Variants in RIMS1 observed in about 807,000 individuals in gnomAD.
RIMS1 encodes the protein regulating synaptic membrane exocytosis protein 1.
In RIMS1, 83 loss-of-function variants were observed where a neutral mutation model predicts 214.1. That is an observed-to-expected ratio of 0.39 (90% CI 0.32 to 0.47). The LOEUF (loss-of-function observed/expected upper bound fraction) is 0.47, where lower values mean the gene tolerates loss of function less well. Among genes scored for constraint, RIMS1 ranks in the 20% least tolerant of loss-of-function variants. The pLI, the probability that RIMS1 is intolerant of heterozygous loss-of-function variation, is 0.99. For missense variants in RIMS1, 2,050 were observed against 2,161.8 expected, an observed-to-expected ratio of 0.95 and a Z score of 1.03; for synonymous variants, 793 against 786.8, an observed-to-expected ratio of 1.01 and a Z score of -0.13.
intron 2 of RIMS1, among the ~76,000 whole-genome samples, chr6:72,074,355 G>A (rs1831283760): frequency 6.6e-6 from 1 of 152,108 alleles, no homozygotes; most frequent in Admixed American, 6.6e-5. Context: ...TAAAATGTAG[G>A]TCTGACTTAT....
At chr6:72,205,865 G>A (rs1159555370) in intron 6 of RIMS1, among the ~76,000 whole-genome samples, 1 of 152,008 alleles carries the variant, frequency 6.6e-6, no homozygotes, top group Non-Finnish European at 1.5e-5. Flanking sequence ...ATATTGTGTA[G>A]CCATGAAAAT....
intron 2 of RIMS1, among the ~76,000 whole-genome samples, chr6:71,990,503 G>A (rs1801273654): frequency 6.6e-6 from 1 of 152,038 alleles, no homozygotes; most frequent in African/African-American, 2.4e-5. Context: ...ATTAACAGGT[G>A]ATATTATTTG....
chr6:72,360,948 A>T (rs1262772603), intron 29 of RIMS1, among the ~76,000 whole-genome samples: 11 of 146,892 alleles, frequency 7.5e-5, no homozygotes, highest in Admixed American at 2.0e-4. Flanking sequence ...TTTTTTTTTA[A>T]AAGTTATTTG....
intron 2 of RIMS1, among the ~76,000 whole-genome samples, chr6:72,063,625 A>G (rs1474477621): frequency 6.6e-6 from 1 of 152,180 alleles, no homozygotes. Context: ...AATAGATCAG[A>G]GGAGGGACCC....
At chr6:72,184,373 A>G (rs2048808439) in intron 6 of RIMS1, among the ~76,000 whole-genome samples, 1 of 152,230 alleles carries the variant, frequency 6.6e-6, no homozygotes. Context: ...GTTGAAAAAG[A>G]AATTTGTGAC....
intron 4 of RIMS1, among the ~76,000 whole-genome samples, chr6:72,166,223 C>G (rs1043511207): frequency 3.4e-4 from 52 of 151,012 alleles, no homozygotes; most frequent in African/African-American, 1.2e-3. Context: ...CACACACATG[C>G]ACACATACAC....
At chr6:72,314,544 A>G (rs1189588636) in intron 28 of RIMS1, among the ~76,000 whole-genome samples, 5 of 152,176 alleles carry the variant, frequency 3.3e-5, no homozygotes, top group Non-Finnish European at 5.9e-5. Flanking sequence ...TTATTTAACA[A>G]TTTCATACTC....
intron 29 of RIMS1, among the ~76,000 whole-genome samples, chr6:72,342,806 A>AGGC: frequency 6.6e-6 from 1 of 151,804 alleles, no homozygotes. Context: ...CAAGAACACA[A>AGGC]GTTTATTCTT....
intron 1 of RIMS1, among the ~76,000 whole-genome samples, chr6:71,936,627 T>G (rs1254373049): frequency 1.3e-5 from 2 of 152,206 alleles, no homozygotes; most frequent in Non-Finnish European, 2.9e-5. Flanking sequence ...ATTTTTGTGT[T>G]TTTATGTTGG....
intron 2 of RIMS1, among the ~76,000 whole-genome samples, chr6:72,029,873 G>A (rs1359392771): frequency 1.3e-5 from 2 of 152,130 alleles, no homozygotes; most frequent in Non-Finnish European, 1.5e-5. Flanking sequence ...AGGCAAAGCA[G>A]GTAGATACCT....
chr6:72,115,813 T>G (rs1318721951), intron 4 of RIMS1, among the ~76,000 whole-genome samples: 2 of 151,924 alleles, frequency 1.3e-5, no homozygotes, highest in Non-Finnish European at 2.9e-5. Context: ...TTTCTTATAT[T>G]AAGATGCTTT....
intron 6 of RIMS1, among the ~76,000 whole-genome samples, chr6:72,205,412 T>C (rs1346834683): frequency 2.0e-5 from 3 of 152,036 alleles, no homozygotes; most frequent in Admixed American, 6.6e-5. Flanking sequence ...CTAAATTAGG[T>C]GTAGGGGCTG....
intron 2 of RIMS1, among the ~76,000 whole-genome samples, chr6:72,004,054 A>C (rs558340): frequency 1.6e-5 from 2 of 124,356 alleles, no homozygotes; most frequent in African/African-American, 6.4e-5. Flanking sequence ...AGAGTGTGAC[A>C]TTACCCTTCC....
Position 72,392,821 on chromosome 6 carries a change from T to C in RIMS1, c.4618+11T>C, listed in dbSNP as rs534326696. ...CCACCCCTGCAATGGGTAAGAATCA[T>C]TTTTTTTTTCTACAAGAAAATTGAT... is the stretch of plus-strand genomic sequence containing the variant. On this transcript the variant is annotated intron_variant, in intron 31 of 33. Transcript: ENST00000521978. 3 of 835,134 alleles carry C rather than the reference T, an allele frequency of 3.6e-6. No individual in the cohort carries two copies. The highest frequency in any genetic ancestry group is 2.4e-5 in the East Asian group (1 of 41,344). 51.7% of individuals were successfully genotyped at this position (835,134 alleles called of 1,614,324 possible).
In RIMS1 at chr6:72,093,223, T is replaced by C. The variant is rs1010985737; in HGVS notation, c.246-3726T>C. Among the ~76,000 whole-genome samples, 9 of 147,974 alleles carry C rather than the reference T, an allele frequency of 6.1e-5. 2 individuals are homozygous for C. In the East Asian group the frequency reaches 1.2e-3, roughly 19 times the overall value. ...ATATGTATGTGAGTATATATATATATATATAAAAACATGTGTGTATATATG... is the reference window on the plus strand; with the variant it reads ...ATATGTATGTGAGTATATATATATACATATAAAAACATGTGTGTATATATG... On this transcript the variant is annotated intron_variant, in intron 2 of 33. Coordinates refer to ENST00000521978, the MANE Select transcript of RIMS1 (RefSeq NM_014989.7).
chr6:71,910,817 T>A (rs1233280464), intron 1 of RIMS1, among the ~76,000 whole-genome samples: 2 of 152,174 alleles, frequency 1.3e-5, no homozygotes, highest in African/African-American at 4.8e-5. Context: ...GCATTTACCC[T>A]GAGCCAAAGT....
intron 1 of RIMS1, among the ~76,000 whole-genome samples, chr6:71,896,842 T>C (rs967778529): frequency 6.6e-6 from 1 of 152,186 alleles, no homozygotes; most frequent in Non-Finnish European, 1.5e-5. Flanking sequence ...CATGGGGTCC[T>C]ATTCTCCATA....
At chr6:72,026,448 C>T (rs1816499243) in intron 2 of RIMS1, among the ~76,000 whole-genome samples, 1 of 128,644 alleles carries the variant, frequency 7.8e-6, no homozygotes, top group African/African-American at 2.7e-5. Flanking sequence ...TCTTCTCCCC[C>T]AGCACCGCCC....
At chr6:72,081,017 G>A (rs77075057) in intron 2 of RIMS1, among the ~76,000 whole-genome samples, 4,762 of 152,272 alleles carry the variant, frequency 0.031, 115 homozygotes, top group Non-Finnish European at 0.052. Context: ...CAGAGGACAA[G>A]TAGATTTCTC....
Sources: gnomAD v4.1 joint callset for allele counts (sites outside exome capture counted in the v4.1 genomes callset) on GRCh38, gnomAD v4.1.1 for gene constraint, MANE v1.5 for transcripts, NCBI Gene and HGNC (gene_info 2026-07-23, HGNC 2026-07-21) for gene names.